Variants in CSMD1 observed in about 807,000 individuals in gnomAD.
CSMD1 encodes the protein CUB and Sushi multiple domains 1.
In CSMD1, 213 loss-of-function variants were observed where a neutral mutation model predicts 417.5. The ratio of observed to expected loss-of-function variants is 0.51; its 90% CI spans 0.46 to 0.57. The LOEUF (loss-of-function observed/expected upper bound fraction) is 0.57. Ranked by LOEUF, CSMD1 falls within the 20% of genes least tolerant of loss-of-function variation. The pLI is 0.00. For missense variants in CSMD1, 6,923 were observed against 4,529.7 expected (o/e 1.53, Z -15.17); for synonymous variants, 2,862 against 1,736.8 (o/e 1.65, Z -16.11).
chr8:4,627,583 A>G (rs1454783107), intron 2 of CSMD1, among the ~76,000 whole-genome samples: 1 of 152,114 alleles, frequency 6.6e-6, no homozygotes, highest in African/African-American at 2.4e-5. Flanking sequence ...TCTTCATGAA[A>G]TTTGATTATG....
intron 55 of CSMD1, among the ~76,000 whole-genome samples, 175 bp from the exon 56 acceptor site, chr8:2,974,799 C>A (rs1804782123): frequency 6.6e-6 from 1 of 152,172 alleles, no homozygotes; most frequent in Non-Finnish European, 1.5e-5. Flanking sequence ...ACTTCCTCCC[C>A]TAATTTCTTT....
At chr8:3,082,236 G>A (rs902259280) in intron 49 of CSMD1, among the ~76,000 whole-genome samples, 8 of 152,148 alleles carry the variant, frequency 5.3e-5, no homozygotes, top group African/African-American at 1.4e-4. Context: ...CATTCATTAT[G>A]CCACGGAAAG....
chr8:4,246,977 G>C (rs1047412987), intron 3 of CSMD1, among the ~76,000 whole-genome samples: 19 of 152,274 alleles, frequency 1.2e-4, no homozygotes, highest in African/African-American at 3.8e-4. Context: ...AGACGAAGTA[G>C]AAATTTATTG....
Position 3,803,311 on chromosome 8 carries a change from G to A in CSMD1, c.819-49269C>T, listed in dbSNP as rs939286420. Among the ~76,000 whole-genome samples, 4 of 152,150 alleles carry A rather than the reference G, an allele frequency of 2.6e-5. No individual in the cohort carries two copies. The East Asian group carries it at 7.7e-4, about 29-fold the overall frequency. Reference sequence around the variant, plus strand: ...GACGGTTTAGCAGCAGCTGGGTAGGGAGATACTGCTATACACAAATACTTC... The same window carrying A: ...GACGGTTTAGCAGCAGCTGGGTAGGAAGATACTGCTATACACAAATACTTC... On this transcript the variant is annotated intron_variant, in intron 5 of 69. Coordinates refer to ENST00000635120, the MANE Select transcript of CSMD1 (RefSeq NM_033225.6).
intron 3 of CSMD1, among the ~76,000 whole-genome samples, chr8:4,358,519 C>G (rs1189156815): frequency 6.6e-6 from 1 of 152,154 alleles, no homozygotes; most frequent in Non-Finnish European, 1.5e-5. Flanking sequence ...AGCAGAGCTC[C>G]GCAGATGCAG....
intron 1 of CSMD1, among the ~76,000 whole-genome samples, chr8:4,884,370 G>C (rs1020773772): frequency 1.3e-5 from 2 of 152,002 alleles, no homozygotes; most frequent in South Asian, 2.1e-4. Context: ...ACAACGTTTA[G>C]AGTTTTGATG....
intron 1 of CSMD1, among the ~76,000 whole-genome samples, chr8:4,985,018 A>G (rs1049341530): frequency 9.2e-5 from 14 of 152,230 alleles, no homozygotes; most frequent in Non-Finnish European, 2.1e-4. Flanking sequence ...TAGCCATGGA[A>G]TACCATGCAG....
chr8:4,112,143 G>GT (rs1801890020), intron 3 of CSMD1, among the ~76,000 whole-genome samples: 1 of 152,152 alleles, frequency 6.6e-6, no homozygotes. Context: ...AAAGTGCTGG[G>GT]CATCCAGAGC....
chr8:4,387,943 T>G (rs1360709703), intron 3 of CSMD1, among the ~76,000 whole-genome samples: 1 of 152,072 alleles, frequency 6.6e-6, no homozygotes, highest in African/African-American at 2.4e-5. Context: ...AACAAAGGAT[T>G]TCATGTCTGG....
chr8:4,146,423 G>T (rs1277776626), intron 3 of CSMD1, among the ~76,000 whole-genome samples: 4 of 150,274 alleles, frequency 2.7e-5, no homozygotes, highest in Non-Finnish European at 5.9e-5. Flanking sequence ...CTCCAAAGAC[G>T]TGTACCCAGG....
At chr8:4,369,862 G>A (rs989617990) in intron 3 of CSMD1, among the ~76,000 whole-genome samples, 2 of 152,156 alleles carry the variant, frequency 1.3e-5, no homozygotes, top group Non-Finnish European at 2.9e-5. Flanking sequence ...AGACAGCAGA[G>A]AGTTGGGTCT....
At chr8:4,484,322 G>A (rs556027145) in intron 2 of CSMD1, among the ~76,000 whole-genome samples, 1 of 152,004 alleles carries the variant, frequency 6.6e-6, no homozygotes, top group African/African-American at 2.4e-5. Flanking sequence ...AAGTTATCTG[G>A]ATTTAAAAAA....
At chr8:4,710,279 T>A (rs973928620) in intron 1 of CSMD1, among the ~76,000 whole-genome samples, 1 of 151,710 alleles carries the variant, frequency 6.6e-6, no homozygotes, top group Non-Finnish European at 1.5e-5. Flanking sequence ...TACATTTGCA[T>A]GTTAAATATA....
At position 4,610,027 on chromosome 8, in the gene CSMD1, G is replaced by C. The variant is rs1194660928; in HGVS notation, c.302+27315C>G. On this transcript the variant is annotated intron_variant, in intron 2 of 69. Coordinates refer to ENST00000635120, the MANE Select transcript of CSMD1 (RefSeq NM_033225.6). ...GACCATTGCTTTGTGTCAGGGTTCA[G>C]GAAAAAAAAAAAACAATTAGATATC... 5.4e-5 allele frequency among the ~76,000 whole-genome samples: 8 copies of C among 148,906 alleles called. No homozygotes were observed. In the East Asian group the frequency reaches 1.6e-3, roughly 29 times the overall value.
chr8:3,332,156 G>T (rs1464671735), intron 23 of CSMD1, among the ~76,000 whole-genome samples: 1 of 152,200 alleles, frequency 6.6e-6, no homozygotes, highest in African/African-American at 2.4e-5. Flanking sequence ...AATGTTTGTT[G>T]AGATATCTAT....
chr8:4,446,733 CTGTG>C (rs758084825), intron 2 of CSMD1, among the ~76,000 whole-genome samples: 2,148 of 134,088 alleles, frequency 0.016, 26 homozygotes, highest in African/African-American at 0.031. Context: ...GTGTGTGTGT[CTGTG>C]TGTGTGTGTG....
At chr8:4,699,677 T>C (rs1008043459) in intron 1 of CSMD1, among the ~76,000 whole-genome samples, 1 of 152,192 alleles carries the variant, frequency 6.6e-6, no homozygotes, top group Non-Finnish European at 1.5e-5. Context: ...AATGTCATCA[T>C]CCGTACATAT....
chr8:4,436,567 GAC>G (rs1798161338), intron 2 of CSMD1, among the ~76,000 whole-genome samples: 1 of 152,060 alleles, frequency 6.6e-6, no homozygotes, highest in African/African-American at 2.4e-5. Flanking sequence ...TTTTAAAATT[GAC>G]AGTTACTGTT....
At chr8:4,296,079 C>T (rs1156938267) in intron 3 of CSMD1, among the ~76,000 whole-genome samples, 1 of 152,012 alleles carries the variant, frequency 6.6e-6, no homozygotes, top group African/African-American at 2.4e-5. Context: ...ATGATGTGCT[C>T]TCTGTTGTTT....
Sources: gnomAD v4.1 joint callset for allele counts (sites outside exome capture counted in the v4.1 genomes callset) on GRCh38, gnomAD v4.1.1 for gene constraint, MANE v1.5 for transcripts, NCBI Gene and HGNC (gene_info 2026-07-23, HGNC 2026-07-21) for gene names.